The following TLR5 variants were observed in gnomAD, a reference collection of about 807,000 sequenced individuals.
The protein encoded by TLR5 is toll-like receptor 5.
For synonymous variants in TLR5, 373 were observed against 384.4 expected, an observed-to-expected ratio of 0.97 and a Z score of 0.35; for missense variants, 944 against 999.8, an observed-to-expected ratio of 0.94 and a Z score of 0.75.
chr1:223,135,433 G>T (rs1657570809), intron 3 of TLR5, among the ~76,000 whole-genome samples: 1 of 152,134 alleles, frequency 6.6e-6, no homozygotes. Flanking sequence ...AGTTGATTTG[G>T]CTCCAACTTG....
intron 5 of TLR5, among the ~76,000 whole-genome samples, chr1:223,116,519 A>C (rs1291731816): frequency 6.6e-6 from 1 of 152,154 alleles, no homozygotes; most frequent in Non-Finnish European, 1.5e-5. Context: ...TGTAGTGCAG[A>C]CCCAAAGAGC....
chr1:223,118,664 T>C lies in TLR5; in HGVS notation c.-4-5629A>G, dbSNP rs564545787. The stretch of plus-strand genomic sequence containing the variant: ...TCCAGGTAGCAGGCTACAGAGAATA[T>C]AATATAAATGCCTCTCATCAGACTT... On this transcript the variant is annotated intron_variant, in intron 5 of 5. Transcript: ENST00000642603. Among the ~76,000 whole-genome samples the C allele has an allele frequency of 5.3e-4, 81 of 152,158 alleles. 1 individual carries two copies. The highest frequency in any genetic ancestry group is 1.9e-3 in the African/African-American group (78 of 41,498).
Position 223,112,073 on chromosome 1 carries a change from G to A in TLR5, c.959C>T (p.Ala320Val). The change falls in exon 6 of 6, where the codon GCC becomes GTC. Residue 320 changes from alanine (A) to valine (V), a missense_variant. By Grantham distance (64) the Ala-to-Val change is moderately conservative. Transcript: ENST00000642603. Reference protein sequence around the residue: ...TLKDLKVLNLAYNKINKIADE... With the variant: ...TLKDLKVLNLVYNKINKIADE... Reference sequence around the variant, plus strand: ...TGCAATCTTATTTATCTTGTTGTAGGCAAGGTTCAGAACCTTCAAATCCTT... The same window carrying A: ...TGCAATCTTATTTATCTTGTTGTAGACAAGGTTCAGAACCTTCAAATCCTT... 1 of 1,614,164 alleles carries A rather than the reference G, an allele frequency of 6.2e-7. No homozygotes were observed. The highest frequency in any genetic ancestry group is 1.1e-5 in the South Asian group (1 of 91,078).
chr1:223,141,848 G>GAGAGAGAGAGAGAGAGAGAGAGAGAGAA (rs1553271506), intron 1 of TLR5, 85 bp from the exon 2 acceptor site: 3 of 135,466 alleles, frequency 2.2e-5, no homozygotes, highest in Non-Finnish European at 4.7e-5. Context: ...GAGAGAGAGA[G>GAGAGAGAGAGAGAGAGAGAGAGAGAGAA]AGAGAGAGAA....
chr1:223,135,951 A>C (rs566442478), intron 3 of TLR5, among the ~76,000 whole-genome samples: 2 of 151,924 alleles, frequency 1.3e-5, no homozygotes, highest in East Asian at 3.9e-4. Context: ...CTGCTTTCCT[A>C]GGCTCACCTC....
At position 223,111,838 on chromosome 1, in the gene TLR5, G is replaced by C; in HGVS notation, c.1194C>G (p.Thr398=). The change falls in exon 6 of 6, where the codon ACC becomes ACG. Residue 398 remains threonine, a synonymous_variant. Transcript: ENST00000642603. The part of the protein sequence containing the change: ...TLDLRDNALT[T]IHFIPSIPDI... ...CGGGTATGCTTGGAATAAAATGAATGGTTGTAAGAGCATTGTCTCGGAGAT... is the reference window on the plus strand; with the variant it reads ...CGGGTATGCTTGGAATAAAATGAATCGTTGTAAGAGCATTGTCTCGGAGAT... 6.2e-7 allele frequency: 1 copy of C among 1,613,664 alleles called. No individual in the cohort carries two copies. The highest frequency in any genetic ancestry group is 8.5e-7 in the Non-Finnish European group (1 of 1,179,682).
At position 223,112,347 on chromosome 1, in the gene TLR5, C is replaced by G. The variant is rs1558118675; in HGVS notation, c.685G>C (p.Glu229Gln). The change falls in exon 6 of 6, where the codon GAG becomes CAG. Residue 229 changes from glutamate to glutamine, a missense_variant. Transcript: ENST00000642603. ...CCATTTCCAGAAACATCTAGTATCT[C>G]CAGCACCATGTTTCTGAATGGGTTC... is the stretch of plus-strand genomic sequence containing the variant. ...CMNPFRNMVL[E>Q]ILDVSGNGWT... 1 of 1,614,222 alleles carries G rather than the reference C, an allele frequency of 6.2e-7. No individual in the cohort carries two copies. The highest frequency in any genetic ancestry group is 8.5e-7 in the Non-Finnish European group (1 of 1,180,044).
chr1:223,118,350 C>T (rs1000984503), intron 5 of TLR5, among the ~76,000 whole-genome samples: 11 of 150,296 alleles, frequency 7.3e-5, no homozygotes, highest in African/African-American at 1.5e-4. Context: ...GGTTGGAGAC[C>T]GGCCTGGCCA....
intron 5 of TLR5, chr1:223,128,412 C>A (rs545740726): frequency 6.6e-6 from 1 of 152,438 alleles, no homozygotes; most frequent in African/African-American, 2.4e-5. Flanking sequence ...CCCTCAATCA[C>A]AAAGGGCCTT....
In TLR5 at chr1:223,111,180, C is replaced by T. The variant is rs151335961; in HGVS notation, c.1852G>A (p.Gly618Arg). The T allele has an allele frequency of 6.8e-5, 109 of 1,614,044 alleles. No homozygotes were observed. The highest frequency in any genetic ancestry group is 8.6e-5 in the Non-Finnish European group (101 of 1,180,034). Reference sequence around the variant, plus strand: ...GTGGAAAGAGAGAAGAGGGAAACCCCAGAGAACGAGTCAGGGTACACACAA... The same window carrying T: ...GTGGAAAGAGAGAAGAGGGAAACCCTAGAGAACGAGTCAGGGTACACACAA... The part of the protein sequence containing the change: ...IYCVYPDSFS[G>R]VSLFSLSTEG... The change falls in exon 6 of 6, where the codon GGG becomes AGG. Residue 618 changes from glycine to arginine, a missense_variant. By Grantham distance (125) the Gly-to-Arg change is moderately radical. Transcript: ENST00000642603.
chr1:223,125,191 C>T (rs1299039070), intron 5 of TLR5, among the ~76,000 whole-genome samples: 1 of 152,060 alleles, frequency 6.6e-6, no homozygotes, highest in African/African-American at 2.4e-5. Flanking sequence ...AATATTGTTC[C>T]CTAATACATC....
chr1:223,111,601 C>A lies in TLR5; in HGVS notation c.1431G>T (p.Gln477His). 1 of 1,614,132 alleles carries A rather than the reference C, an allele frequency of 6.2e-7. No individual in the cohort carries two copies. The highest frequency in any genetic ancestry group is 8.5e-7 in the Non-Finnish European group (1 of 1,180,012). Residue 477 changes from glutamine to histidine, a missense_variant, in exon 6 of 6, where the codon CAG (glutamine) becomes CAT (histidine). Gln to His is a conservative substitution (Grantham distance 24, BLOSUM62 0). Transcript: ENST00000642603. ...QTPSENPSLE[Q>H]LFLGENMLQL... ...GCAACATATTTTCTCCAAGGAAAAG[C>A]TGTTCTAAGCTGGGATTCTCTGAAG...
intron 5 of TLR5, among the ~76,000 whole-genome samples, chr1:223,118,136 G>A (rs1656768935): frequency 6.6e-6 from 1 of 152,222 alleles, no homozygotes; most frequent in African/African-American, 2.4e-5. Flanking sequence ...ACATCAGTCA[G>A]ATACATTTAA....
Position 223,112,796 on chromosome 1 carries a change from C to T in TLR5, c.236G>A (p.Ser79Asn), listed in dbSNP as rs140168611. Residue 79 changes from serine to asparagine, a missense_variant, in exon 6 of 6, where the codon AGC becomes AAC. Transcript: ENST00000642603. ...GTCAATAGTCAAGGGGGTATACTGG[C>T]TCCCGAGCTCCAGCAGCTGCAGCTG... ...LEQLQLLELG[S>N]QYTPLTIDKE... is the part of the protein sequence containing the mutation. 1.4e-4 allele frequency: 223 copies of T among 1,612,364 alleles called. No individual in the cohort carries two copies. Among genetic ancestry groups the T allele is most frequent in the Non-Finnish European group, 1.8e-4 (211 of 1,179,036 alleles).
chr1:223,140,546 C>CAA (rs11388643), intron 2 of TLR5, among the ~76,000 whole-genome samples: 2,148 of 122,456 alleles, frequency 0.018, 71 homozygotes, highest in African/African-American at 0.055. Flanking sequence ...GACTCTGTCT[C>CAA]AAAAAAAAAA....
intron 5 of TLR5, chr1:223,128,325 A>G (rs920014731): frequency 1.3e-5 from 2 of 152,210 alleles, no homozygotes; most frequent in African/African-American, 2.4e-5. Flanking sequence ...GCATGGCTGC[A>G]TGTGTTGTTC....
intron 3 of TLR5, among the ~76,000 whole-genome samples, chr1:223,135,115 T>C (rs1657556396): frequency 6.6e-6 from 1 of 152,086 alleles, no homozygotes; most frequent in African/African-American, 2.4e-5. Flanking sequence ...TAAAATCCAA[T>C]GCACCCTGCA....
intron 5 of TLR5, among the ~76,000 whole-genome samples, chr1:223,130,318 A>T (rs2102919789): frequency 6.6e-6 from 1 of 152,326 alleles, no homozygotes; most frequent in Non-Finnish European, 1.5e-5. Context: ...TTTGTGAATC[A>T]GAATTTTGTT....
Position 223,112,650 on chromosome 1 carries a change from A to G in TLR5, c.382T>C (p.Phe128Leu). ...LFHLFELRLY[F>L]CGLSDAVLKD... ...AATACAGCATCAGAGAGACCACAGA[A>G]ATACAGTCTAAGTTCAAACAGATGG... Residue 128 changes from phenylalanine to leucine, a missense_variant, in exon 6 of 6, where the codon TTC becomes CTC. Phe to Leu is a conservative substitution (Grantham distance 22, BLOSUM62 0). Coordinates refer to ENST00000642603, the MANE Select transcript of TLR5 (RefSeq NM_003268.6). 1.2e-6 allele frequency: 2 copies of G among 1,614,234 alleles called. No individual in the cohort carries two copies. Among genetic ancestry groups the G allele is most frequent in the Non-Finnish European group, 1.7e-6 (2 of 1,180,048 alleles).
Sources: allele counts gnomAD v4.1 joint callset (sites outside exome capture counted in the v4.1 genomes callset), GRCh38; gene constraint gnomAD v4.1.1; transcripts MANE v1.5; gene names NCBI Gene and HGNC (gene_info 2026-07-23, HGNC 2026-07-21).